The following HDAC4 variants were observed in gnomAD, a reference collection of about 807,000 sequenced individuals.
HDAC4 encodes histone deacetylase A.
HDAC4 carries 16 observed loss-of-function variants against 135.1 expected under a neutral mutation model. The ratio of observed to expected loss-of-function variants is 0.12; its 90% CI spans 0.08 to 0.18. HDAC4 has a LOEUF of 0.18. Ranked by LOEUF, HDAC4 falls within the 10% of genes least tolerant of loss-of-function variation. HDAC4 has a pLI of 1.00. For missense variants in HDAC4, 1,143 were observed against 1,511.8 expected (o/e 0.76, Z 4.05); for synonymous variants, 685 against 653.4 (o/e 1.05, Z -0.74).
intron 14 of HDAC4, 44 bp downstream of exon 14, chr2:239,111,482 T>G (rs1160438968): frequency 6.4e-7 from 1 of 1,569,366 alleles, no homozygotes; most frequent in African/African-American, 1.4e-5. Flanking sequence ...GTGCCCACTG[T>G]GGCCCGCGTT....
At position 239,123,804 on chromosome 2, in the gene HDAC4, G is replaced by T. The variant is rs147333648; in HGVS notation, c.1533+2652C>A. 1.2e-3 allele frequency among the ~76,000 whole-genome samples: 184 copies of T among 152,286 alleles called. 3 individuals are homozygous for T. The highest frequency in any genetic ancestry group is 4.3e-3 in the African/African-American group (178 of 41,552). On this transcript the variant is annotated intron_variant, in intron 12 of 26. Transcript: ENST00000543185. ...AGGCAGCAGTGTTGGTGGTGTAGGGGTCTCTCCCCACGGCTTTACCTCTGC... is the reference window on the plus strand; with the variant it reads ...AGGCAGCAGTGTTGGTGGTGTAGGGTTCTCTCCCCACGGCTTTACCTCTGC...
At chr2:239,116,166 C>T (rs2039117009) in intron 12 of HDAC4, among the ~76,000 whole-genome samples, 1 of 152,190 alleles carries the variant, frequency 6.6e-6, no homozygotes, top group African/African-American at 2.4e-5. Context: ...GCCTGCTCCT[C>T]GGCTCATTTC....
chr2:239,338,684 G>A (rs142977939), intron 2 of HDAC4, among the ~76,000 whole-genome samples: 2,715 of 152,288 alleles, frequency 0.018, 31 homozygotes, highest in Non-Finnish European at 0.029. Flanking sequence ...TGAGATTCCC[G>A]TGGATTTTTA....
intron 1 of HDAC4, among the ~76,000 whole-genome samples, chr2:239,373,416 G>C (rs1190415060): frequency 6.6e-6 from 1 of 152,130 alleles, no homozygotes; most frequent in Non-Finnish European, 1.5e-5. Context: ...TCTAATGTTG[G>C]TCTTTCTCTC....
At chr2:239,359,746 G>A in intron 1 of HDAC4, among the ~76,000 whole-genome samples, 1 of 152,202 alleles carries the variant, frequency 6.6e-6, no homozygotes, top group East Asian at 1.9e-4. Flanking sequence ...AGCCTCCTGG[G>A]AGGAAGCCAG....
At chr2:239,081,971 G>A in intron 21 of HDAC4, 131 bp downstream of exon 21, 2 of 926,078 alleles carry the variant, frequency 2.2e-6, no homozygotes, top group Non-Finnish European at 3.4e-6. Flanking sequence ...TGAAGTTACT[G>A]TCTGGGCTTA....
rs572602089 is a variant in HDAC4, at chr2:239,076,604, C to T, written c.2750+4491G>A. Reference sequence around the variant, plus strand: ...CTGCAGTCCTGTGGCCACCCACAGCCGGCAAGCCTCTGGGGACTCCGTGGG... The same window carrying T: ...CTGCAGTCCTGTGGCCACCCACAGCTGGCAAGCCTCTGGGGACTCCGTGGG... On this transcript the variant is annotated intron_variant, in intron 22 of 26. Transcript: ENST00000543185. Among the ~76,000 whole-genome samples, 18 of 152,320 alleles carry T rather than the reference C, an allele frequency of 1.2e-4. No homozygotes were observed. In the South Asian group the frequency reaches 1.5e-3, roughly 12 times the overall value.
At chr2:239,152,864 C>T (rs977562778) in intron 7 of HDAC4, among the ~76,000 whole-genome samples, 7 of 152,190 alleles carry the variant, frequency 4.6e-5, no homozygotes, top group Non-Finnish European at 1.0e-4. Context: ...GAAACAAGAG[C>T]AGAAAACACC....
At chr2:239,377,681 G>A (rs1035865838) in intron 1 of HDAC4, among the ~76,000 whole-genome samples, 4 of 152,232 alleles carry the variant, frequency 2.6e-5, no homozygotes, top group Non-Finnish European at 1.5e-5. Flanking sequence ...ACAAGGGGCA[G>A]GGCTGACAGC....
At chr2:239,104,239 A>T (rs945356109) in intron 15 of HDAC4, among the ~76,000 whole-genome samples, 2 of 151,602 alleles carry the variant, frequency 1.3e-5, no homozygotes, top group Admixed American at 6.6e-5. Flanking sequence ...ATTTTATTTT[A>T]TTTTTTTTGA....
intron 16 of HDAC4, among the ~76,000 whole-genome samples, chr2:239,096,305 T>C (rs1338362837): frequency 6.6e-6 from 1 of 151,700 alleles, no homozygotes; most frequent in Non-Finnish European, 1.5e-5. Context: ...AGAGGCCTGC[T>C]TGCCTTAGCC....
rs912163549 is a variant in HDAC4, at chr2:239,120,402, GACAC to G, written c.1534-5096_1534-5093del. The stretch of plus-strand genomic sequence containing the variant: ...GCAGAGGCACACACAGACGCACACA[GACAC>G]ACACACACAGACACAGACAGATGCA... On this transcript the variant is annotated intron_variant, in intron 12 of 26. Coordinates refer to ENST00000543185, the MANE Select transcript of HDAC4 (RefSeq NM_001378414.1). Among the ~76,000 whole-genome samples the G allele has an allele frequency of 7.3e-5, 5 of 68,296 alleles. No homozygotes were observed. In the East Asian group the frequency reaches 1.2e-3, roughly 17 times the overall value. The allele number at this position is 68,296 out of a possible 152,430, so 44.8% of individuals were successfully genotyped here.
chr2:239,316,252 G>T (rs1320747187), intron 2 of HDAC4, among the ~76,000 whole-genome samples: 1 of 152,124 alleles, frequency 6.6e-6, no homozygotes, highest in Admixed American at 6.5e-5. Context: ...CTAATAAAAT[G>T]ATATAATCTA....
At position 239,331,613 on chromosome 2, in the gene HDAC4, T is replaced by C. The variant is rs1691576688; in HGVS notation, c.22+21065A>G. On this transcript the variant is annotated intron_variant, in intron 2 of 26. Transcript: ENST00000543185. The surrounding 1 kb of genome is among the most constrained non-coding windows in gnomAD (Gnocchi z 4.5). ...GCACACACGGGCCAGGTGAGCGAAC[T>C]GCAATGACACGTCGCCAGGGCTGCA... Among the ~76,000 whole-genome samples the C allele has an allele frequency of 6.6e-6, 1 of 152,116 alleles. No individual in the cohort carries two copies.
At position 239,049,540 on chromosome 2, in the gene HDAC4, AGAATG is replaced by A. The variant is rs2030498662; in HGVS notation, c.*3552_*3556del. The stretch of plus-strand genomic sequence containing the variant: ...CGTGGGCCCAAAGTCTACAAAAAGA[AGAATG>A]GAATGAGCACGTGGCTGTGACCAGT... On this transcript the variant is annotated 3_prime_UTR_variant, in exon 27 of 27. Coordinates refer to ENST00000543185, the MANE Select transcript of HDAC4 (RefSeq NM_001378414.1). 1 of 152,466 alleles carries A rather than the reference AGAATG, an allele frequency of 6.6e-6. No individual in the cohort carries two copies. The highest frequency in any genetic ancestry group is 1.5e-5 in the Non-Finnish European group (1 of 68,032). The allele number at this position is 152,466 out of a possible 1,614,324, so 9.4% of individuals were successfully genotyped here.
At chr2:239,271,539 AG>A (rs1217198138) in intron 2 of HDAC4, among the ~76,000 whole-genome samples, 1 of 152,068 alleles carries the variant, frequency 6.6e-6, no homozygotes, top group Non-Finnish European at 1.5e-5. Flanking sequence ...GATTGTGTTT[AG>A]GACTATGAGA....
intron 22 of HDAC4, among the ~76,000 whole-genome samples, chr2:239,076,023 G>A (rs1260597597): frequency 6.7e-6 from 1 of 149,444 alleles, no homozygotes; most frequent in African/African-American, 2.5e-5. Flanking sequence ...GCGTGCCAGC[G>A]AACTCTCCTT....
At chr2:239,113,077 C>T (rs1055278812) in intron 13 of HDAC4, among the ~76,000 whole-genome samples, 1 of 152,150 alleles carries the variant, frequency 6.6e-6, no homozygotes, top group African/African-American at 2.4e-5. Context: ...AACAAACAAA[C>T]AAAACAAACA....
chr2:239,360,559 T>G (rs1016240805), intron 1 of HDAC4, among the ~76,000 whole-genome samples: 1 of 152,218 alleles, frequency 6.6e-6, no homozygotes, highest in South Asian at 2.1e-4. Context: ...CAAGTTCCAC[T>G]GAGAGCAAAC....
Sources: allele counts gnomAD v4.1 joint callset (sites outside exome capture counted in the v4.1 genomes callset), GRCh38; gene constraint gnomAD v4.1.1; non-coding constraint Gnocchi (gnomAD v3.1); transcripts MANE v1.5; gene names NCBI Gene and HGNC (gene_info 2026-07-23, HGNC 2026-07-21).